PRR16: variants seen among roughly 807,000 people sequenced by gnomAD.
The protein encoded by PRR16 is proline rich 16.
In PRR16, 6 loss-of-function variants were observed where a neutral mutation model predicts 18.2. That is an observed-to-expected ratio of 0.33 (90% CI 0.18 to 0.65). PRR16 has a LOEUF of 0.65. Ranked by LOEUF, PRR16 falls within the 30% of genes least tolerant of loss-of-function variation. PRR16 has a pLI of 0.74. For missense variants in PRR16, 412 were observed against 376.6 expected, an observed-to-expected ratio of 1.09 and a Z score of -0.78; for synonymous variants, 151 against 147.8, an observed-to-expected ratio of 1.02 and a Z score of -0.16.
the PRR16 span, among the ~76,000 whole-genome samples, chr5:120,702,423 G>A: frequency 1.3e-5 from 2 of 151,630 alleles, no homozygotes; most frequent in African/African-American, 4.9e-5. Flanking sequence ...GGGTTGAGGG[G>A]TACTTGCCCT....
the PRR16 span, among the ~76,000 whole-genome samples, chr5:120,720,925 G>A: frequency 9.2e-5 from 14 of 151,864 alleles, no homozygotes; most frequent in Admixed American, 5.3e-4. Context: ...GGATTCTCTC[G>A]TATCTCAGAG....
intron 1 of PRR16, among the ~76,000 whole-genome samples, chr5:120,683,663 T>C (rs901000359): frequency 2.0e-5 from 3 of 152,200 alleles, no homozygotes; most frequent in African/African-American, 7.2e-5. Context: ...TGTATGCTAC[T>C]GTACATTTAT....
chr5:120,637,770 A>C (rs2112851089), intron 1 of PRR16, among the ~76,000 whole-genome samples: 1 of 152,244 alleles, frequency 6.6e-6, no homozygotes, highest in South Asian at 2.1e-4. Context: ...TGGAAGGATC[A>C]CTTGCAGTGA....
rs767210606 is a variant in PRR16, at chr5:120,686,146, A to C, written c.352A>C (p.Arg118=). 1 of 1,614,162 alleles carries C rather than the reference A, an allele frequency of 6.2e-7. No homozygotes were observed. Among genetic ancestry groups the C allele is most frequent in the Non-Finnish European group, 8.5e-7 (1 of 1,180,018 alleles). Residue 118 remains arginine (R), a synonymous_variant, in exon 2 of 2, where the codon AGA becomes CGA. Coordinates refer to ENST00000407149, the MANE Select transcript of PRR16 (RefSeq NM_001300783.2). ...CCCGTCTGCTATCCTCACGGTCCTG[A>C]GAAAGCCAAACCCTCCACCACCTCC... ...AHPSAILTVL[R]KPNPPPPPPR...
the PRR16 span, among the ~76,000 whole-genome samples, chr5:120,754,161 A>C: frequency 6.5e-5 from 2 of 30,558 alleles, no homozygotes; most frequent in African/African-American, 2.9e-4. Context: ...TAAATATGAT[A>C]TATAAATATA....
intron 1 of PRR16, among the ~76,000 whole-genome samples, chr5:120,502,729 C>T (rs1016801302): frequency 6.6e-6 from 1 of 152,042 alleles, no homozygotes; most frequent in African/African-American, 2.4e-5. Context: ...CCATTTTTGT[C>T]GGTCAAAATG....
At chr5:120,646,643 T>A (rs1243213937) in intron 1 of PRR16, among the ~76,000 whole-genome samples, 2 of 151,964 alleles carry the variant, frequency 1.3e-5, no homozygotes, top group Non-Finnish European at 2.9e-5. Context: ...TAAGAAAATC[T>A]AGGCAATGAT....
chr5:120,499,428 T>C (rs1750373740), intron 1 of PRR16, among the ~76,000 whole-genome samples: 1 of 152,128 alleles, frequency 6.6e-6, no homozygotes, highest in Admixed American at 6.6e-5. Context: ...CGAGTCTCTT[T>C]TTGTTGTTGT....
intron 1 of PRR16, among the ~76,000 whole-genome samples, chr5:120,533,681 A>G (rs146348984): frequency 2.9e-3 from 436 of 152,306 alleles, no homozygotes; most frequent in African/African-American, 9.9e-3. Context: ...TGTGGCTGGA[A>G]CAGAGGGAGC....
chr5:120,758,117 T>C, the PRR16 span, among the ~76,000 whole-genome samples: 1 of 152,162 alleles, frequency 6.6e-6, no homozygotes, highest in Non-Finnish European at 1.5e-5. Flanking sequence ...TTTTTCACTG[T>C]AGGTATTTGT....
chr5:120,487,491 T>C (rs1749851766), intron 1 of PRR16, among the ~76,000 whole-genome samples: 1 of 152,228 alleles, frequency 6.6e-6, no homozygotes, highest in Non-Finnish European at 1.5e-5. Flanking sequence ...TTTTGCACAT[T>C]GATTTTCTAT....
At chr5:120,512,499 A>G (rs74762563) in intron 1 of PRR16, among the ~76,000 whole-genome samples, 2,772 of 152,218 alleles carry the variant, frequency 0.018, 30 homozygotes, top group African/African-American at 0.031. Context: ...AAAGGGATGA[A>G]TTGCATCTTA....
intron 1 of PRR16, among the ~76,000 whole-genome samples, chr5:120,590,770 T>C (rs954152351): frequency 6.6e-6 from 1 of 152,114 alleles, no homozygotes; most frequent in African/African-American, 2.4e-5. Context: ...AGACCTTGAC[T>C]ATAAAGTCAA....
rs183184704 is a variant in PRR16, at chr5:120,547,728, A to G, written c.159+83083A>G. ...TATTTGAAAATACTTAAAAATTTCT[A>G]CAGCAAGTCCTTTCATACTGTGAGA... On this transcript the variant is annotated intron_variant, in intron 1 of 1. Transcript: ENST00000407149. 2.6e-3 allele frequency among the ~76,000 whole-genome samples: 393 copies of G among 152,198 alleles called. 2 individuals are homozygous for G. The highest frequency in any genetic ancestry group is 8.5e-3 in the African/African-American group (353 of 41,558).
chr5:120,617,899 AT>A (rs1453478880), intron 1 of PRR16, among the ~76,000 whole-genome samples: 5 of 151,976 alleles, frequency 3.3e-5, no homozygotes, highest in Non-Finnish European at 4.4e-5. Context: ...AAGGTCAATA[AT>A]TTTTTTTATT....
At chr5:120,615,603 C>T (rs929376822) in intron 1 of PRR16, among the ~76,000 whole-genome samples, 12 of 151,854 alleles carry the variant, frequency 7.9e-5, no homozygotes, top group African/African-American at 2.9e-4. Context: ...GAAAATTTGA[C>T]AGTTTTTGTT....
intron 1 of PRR16, among the ~76,000 whole-genome samples, chr5:120,556,681 G>A (rs575337215): frequency 1.3e-5 from 2 of 151,902 alleles, no homozygotes; most frequent in Admixed American, 6.6e-5. Flanking sequence ...CAGGTAAAAA[G>A]AAACTCCCTC....
chr5:120,754,552 A>C, the PRR16 span, among the ~76,000 whole-genome samples: 4 of 74,342 alleles, frequency 5.4e-5, 1 homozygote, highest in East Asian at 1.0e-3. Flanking sequence ...ATTATATATA[A>C]TATATATTAT....
At chr5:120,722,898 A>G in the PRR16 span, among the ~76,000 whole-genome samples, 1 of 151,512 alleles carries the variant, frequency 6.6e-6, no homozygotes, top group African/African-American at 2.4e-5. Flanking sequence ...TATATAATAT[A>G]TATATTCTGA....
Sources: allele counts gnomAD v4.1 joint callset (sites outside exome capture counted in the v4.1 genomes callset), GRCh38; gene constraint gnomAD v4.1.1; transcripts MANE v1.5; gene names NCBI Gene and HGNC (gene_info 2026-07-23, HGNC 2026-07-21).